The following PALLD variants were observed in gnomAD, a reference collection of about 807,000 sequenced individuals.
PALLD encodes palladin.
Under a neutral mutation model 123.5 loss-of-function variants are expected in PALLD, and 61 were observed. The observed-to-expected ratio is 0.49, with a 90% CI of 0.40 to 0.61. The LOEUF is 0.61. Ranked by LOEUF, PALLD falls within the 20% of genes least tolerant of loss-of-function variation. PALLD has a pLI of 0.00. For missense variants in PALLD, 1,273 were observed against 1,377.0 expected (o/e 0.92, Z 1.20); for synonymous variants, 465 against 496.4 (o/e 0.94, Z 0.84).
chr4:168,697,589 C>T (rs1248577019), intron 8 of PALLD, among the ~76,000 whole-genome samples: 27 of 152,172 alleles, frequency 1.8e-4, no homozygotes, highest in Non-Finnish European at 2.9e-5. Flanking sequence ...TCCTGCTCTC[C>T]CCTCCATGGA....
intron 10 of PALLD, among the ~76,000 whole-genome samples, chr4:168,780,776 C>T (rs1221291526): frequency 6.6e-6 from 1 of 152,182 alleles, no homozygotes; most frequent in East Asian, 1.9e-4. Flanking sequence ...CAGCCTCTGC[C>T]TCCCAGGTTC....
chr4:168,523,890 T>C (rs1288893733), intron 2 of PALLD, among the ~76,000 whole-genome samples: 1 of 152,194 alleles, frequency 6.6e-6, no homozygotes, highest in Non-Finnish European at 1.5e-5. Flanking sequence ...TCCTCTTTAT[T>C]TTCTTACAGA....
chr4:168,895,728 A>G (rs537807216), intron 12 of PALLD, among the ~76,000 whole-genome samples: 8 of 152,342 alleles, frequency 5.3e-5, no homozygotes, highest in South Asian at 2.1e-4. Context: ...AAATCCATAT[A>G]TAAGTGGACC....
At chr4:168,712,041 G>A in intron 10 of PALLD, 118 bp downstream of exon 10, 5 of 777,008 alleles carry the variant, frequency 6.4e-6, no homozygotes, top group South Asian at 1.5e-5. Context: ...TGACTCATGG[G>A]ACCTTGCTGC....
intron 1 of PALLD, among the ~76,000 whole-genome samples, chr4:168,504,573 G>A (rs539292657): frequency 1.6e-4 from 21 of 133,666 alleles, no homozygotes; most frequent in Middle Eastern, 7.6e-3. Flanking sequence ...CAGCCTGGGC[G>A]ACAAAGCAAG....
At chr4:168,829,791 A>G (rs148594339) in intron 10 of PALLD, among the ~76,000 whole-genome samples, 96 of 152,352 alleles carry the variant, frequency 6.3e-4, no homozygotes, top group Middle Eastern at 3.4e-3. Context: ...AAATATTAGA[A>G]TAGGCAAAGT....
chr4:168,709,206 C>A, intron 9 of PALLD, 59 bp downstream of exon 9: 1 of 1,591,218 alleles, frequency 6.3e-7, no homozygotes, highest in East Asian at 2.2e-5. Context: ...TGTGGATGGC[C>A]ACAGCAGAAA....
At chr4:168,680,243 C>T (rs968763909) in intron 3 of PALLD, among the ~76,000 whole-genome samples, 5 of 151,292 alleles carry the variant, frequency 3.3e-5, no homozygotes, top group Non-Finnish European at 2.9e-5. Context: ...TTTGGGAGGC[C>T]GAGGTGGGCA....
chr4:168,558,807 G>A (rs141166413), intron 2 of PALLD, among the ~76,000 whole-genome samples: 2 of 152,272 alleles, frequency 1.3e-5, no homozygotes, highest in East Asian at 3.9e-4. Flanking sequence ...GGTGCCAGGA[G>A]TTCATCATAA....
rs2150195373 is a variant in PALLD at position 168,709,078 on chromosome 4, A to G, written c.1552A>G (p.Ile518Val). ...TGAGACTTTCCCTGAAGATGCAGGG[A>G]TCTTTACATGTTCAGCAAGAAATGA... The part of the protein sequence containing the change: ...IAETFPEDAG[I>V]FTCSARNDYG... Residue 518 changes from isoleucine to valine, a missense_variant, in exon 9 of 22, where the codon ATC (isoleucine) becomes GTC (valine). Coordinates refer to ENST00000505667, the MANE Select transcript of PALLD (RefSeq NM_001166108.2). 6.2e-7 allele frequency: 1 copy of G among 1,613,486 alleles called. No individual in the cohort carries two copies. Among genetic ancestry groups the G allele is most frequent in the Non-Finnish European group, 8.5e-7 (1 of 1,179,430 alleles).
intron 3 of PALLD, among the ~76,000 whole-genome samples, chr4:168,679,220 GTGTGTGTGTGGTGTGTGTGGGGTGTGT>G (rs1781241832): frequency 9.0e-6 from 1 of 110,704 alleles, no homozygotes; most frequent in African/African-American, 3.5e-5. Context: ...TGTGTGGGGT[GTGTGTGTGTGGTGTGTGTGGGGTGTGT>G]GTGTGGTGTG....
At chr4:168,794,977 C>A (rs368593093) in intron 10 of PALLD, among the ~76,000 whole-genome samples, 1 of 152,176 alleles carries the variant, frequency 6.6e-6, no homozygotes, top group Non-Finnish European at 1.5e-5. Flanking sequence ...TAAGCACCAG[C>A]AGATTCAGTG....
chr4:168,672,807 A>G (rs538902159), intron 3 of PALLD, among the ~76,000 whole-genome samples: 5 of 152,244 alleles, frequency 3.3e-5, no homozygotes, highest in East Asian at 1.9e-4. Flanking sequence ...TCTCACTCAT[A>G]TGTGAAAACT....
intron 10 of PALLD, among the ~76,000 whole-genome samples, chr4:168,727,775 G>T (rs28793105): frequency 0.19 from 28,179 of 152,018 alleles, 3,010 homozygotes; most frequent in East Asian, 0.45. Flanking sequence ...CACCAAAAAT[G>T]ATTTGCCAAA....
At chr4:168,607,958 T>C (rs1773350059) in intron 2 of PALLD, among the ~76,000 whole-genome samples, 1 of 152,230 alleles carries the variant, frequency 6.6e-6, no homozygotes, top group South Asian at 2.1e-4. Context: ...CCAATCTTAC[T>C]CTGTTCCTGC....
chr4:168,826,178 A>C (rs767488806), intron 10 of PALLD, among the ~76,000 whole-genome samples: 3 of 152,134 alleles, frequency 2.0e-5, no homozygotes, highest in Non-Finnish European at 4.4e-5. Flanking sequence ...TTTGATTTGG[A>C]AAAGGGTGCT....
chr4:168,800,277 G>A (rs1345432663), intron 10 of PALLD, among the ~76,000 whole-genome samples: 1 of 152,094 alleles, frequency 6.6e-6, no homozygotes, highest in East Asian at 1.9e-4. Flanking sequence ...AAAAAATTCT[G>A]ATCATTAAAA....
chr4:168,925,523 C>T (rs1345157934), intron 21 of PALLD: 1 of 493,306 alleles, frequency 2.0e-6, no homozygotes, highest in Non-Finnish European at 3.7e-6. Context: ...TCCTGGAATG[C>T]GTACTTTTGT....
intron 2 of PALLD, among the ~76,000 whole-genome samples, chr4:168,619,164 A>G (rs1007285214): frequency 1.3e-5 from 2 of 152,186 alleles, no homozygotes; most frequent in Admixed American, 6.5e-5. Context: ...AAAGACACAC[A>G]TATCTTTGAT....
Sources: gnomAD v4.1 joint callset for allele counts (sites outside exome capture counted in the v4.1 genomes callset) on GRCh38, gnomAD v4.1.1 for gene constraint, MANE v1.5 for transcripts, NCBI Gene and HGNC (gene_info 2026-07-23, HGNC 2026-07-21) for gene names.